Variants in ZDHHC9 observed in about 807,000 individuals in gnomAD.
The protein encoded by ZDHHC9 is palmitoyltransferase ZDHHC9.
A neutral mutation model predicts 26.6 loss-of-function variants in ZDHHC9; 3 were observed. The ratio of observed to expected loss-of-function variants is 0.11; its 90% CI spans 0.05 to 0.29. ZDHHC9 has a LOEUF of 0.29. Ranked by LOEUF, ZDHHC9 falls within the 10% of genes least tolerant of loss-of-function variation. The probability of loss-of-function intolerance (pLI) is 1.00; values close to 1 mark genes in which losing one functional copy is unlikely to be tolerated. For synonymous variants in ZDHHC9, 111 were observed against 109.4 expected (o/e 1.01, Z -0.09); for missense variants, 146 against 296.4 (o/e 0.49, Z 3.73).
rs749727866 is a variant in ZDHHC9, at chrX:129,805,530, C to A, written c.*840G>T. On this transcript the variant is annotated 3_prime_UTR_variant, in exon 11 of 11. Transcript: ENST00000357166. The stretch of plus-strand genomic sequence containing the variant: ...GACTTTTATTACTGCCATTCCTGCT[C>A]CTAATGGGAGCAGGAGTCAAAAGGA... The A allele has an allele frequency of 1.8e-5, 2 of 110,823 alleles. No individual in the cohort carries two copies. Among genetic ancestry groups the A allele is most frequent in the South Asian group, 7.8e-4 (2 of 2,578 alleles). 9.1% of individuals were successfully genotyped at this position (110,823 alleles called of 1,213,427 possible).
In ZDHHC9 at chrX:129,815,588, T is replaced by G. The variant is rs139335792; in HGVS notation, c.488-793A>C. ...TAAAAAAGTACTTTGTGGTTTTGAT[T>G]TGCATTTCCTTGGTGATCAATGATG... On this transcript the variant is annotated intron_variant, in intron 5 of 10. Transcript: ENST00000357166. 4.2e-3 allele frequency among the ~76,000 whole-genome samples: 470 copies of G among 112,377 alleles called. 2 individuals are homozygous for G. The highest frequency in any genetic ancestry group is 0.015 in the African/African-American group (451 of 31,007).
In ZDHHC9 at chrX:129,804,116, C is replaced by T. The variant is rs1249805753; in HGVS notation, c.*2254G>A. 2 of 111,708 alleles carry T rather than the reference C, an allele frequency of 1.8e-5. No homozygotes were observed. The highest frequency in any genetic ancestry group is 3.8e-5 in the Non-Finnish European group (2 of 53,134). 9.2% of individuals were successfully genotyped at this position (111,708 alleles called of 1,213,427 possible). A position where few individuals can be genotyped will look rare whatever the true frequency, so the allele number is the denominator to read the frequency against. The stretch of plus-strand genomic sequence containing the variant: ...AAGCTTCTCTGTCTGACCTAAGGGT[C>T]CTCAGGAGAACACTTGAGGTAAGGT... On this transcript the variant is annotated 3_prime_UTR_variant, in exon 11 of 11. Transcript: ENST00000357166.
intron 10 of ZDHHC9, among the ~76,000 whole-genome samples, chrX:129,810,068 C>A (rs1258954410): frequency 9.3e-6 from 1 of 107,531 alleles, no homozygotes; most frequent in Non-Finnish European, 1.9e-5. Context: ...AAAGAAAGCT[C>A]AGCTGGGCAC....
intron 3 of ZDHHC9, among the ~76,000 whole-genome samples, chrX:129,837,507 T>C (rs752955688): frequency 8.0e-5 from 9 of 112,557 alleles, no homozygotes; most frequent in African/African-American, 1.6e-4. Flanking sequence ...TAGAAAAGTA[T>C]TGTTTGTATT....
chrX:129,820,310 T>C (rs915289138), intron 5 of ZDHHC9, among the ~76,000 whole-genome samples: 6 of 110,968 alleles, frequency 5.4e-5, no homozygotes, highest in African/African-American at 2.0e-4. Flanking sequence ...CTGGGGGTAT[T>C]GGCTCACACC....
intron 3 of ZDHHC9, among the ~76,000 whole-genome samples, chrX:129,829,966 A>G (rs1433230885): frequency 9.0e-6 from 1 of 111,706 alleles, no homozygotes; most frequent in East Asian, 2.8e-4. Flanking sequence ...TAAGCTCTTC[A>G]TCTACATTAT....
chrX:129,832,524 C>T (rs1928165194), intron 3 of ZDHHC9, among the ~76,000 whole-genome samples: 2 of 111,431 alleles, frequency 1.8e-5, no homozygotes, highest in South Asian at 7.4e-4. Flanking sequence ...TGGCTCACGC[C>T]TGTAATCCCA....
chrX:129,811,320 C>A, intron 9 of ZDHHC9, 86 bp downstream of exon 9: 5 of 873,224 alleles, frequency 5.7e-6, no homozygotes, highest in Non-Finnish European at 8.3e-6. Flanking sequence ...AGAGGCCACA[C>A]TCAGAAAAAC....
intron 4 of ZDHHC9, 35 bp downstream of exon 4, chrX:129,828,946 T>C: frequency 8.3e-7 from 1 of 1,210,870 alleles, no homozygotes; most frequent in South Asian, 1.8e-5. Flanking sequence ...GGCCACCCAC[T>C]ACACAGCAGC....
At position 129,842,077 on chromosome X, in the gene ZDHHC9, A is replaced by C; in HGVS notation, c.-132T>G. ...AAACATCATCAAAAGTCCAATTGCT[A>C]GCCCTAAGAAAAAGCAGAAAAAGAA... is the stretch of plus-strand genomic sequence containing the variant. On this transcript the variant is annotated 5_prime_UTR_variant, in exon 3 of 11. Transcript: ENST00000357166. 1 of 810,079 alleles carries C rather than the reference A, an allele frequency of 1.2e-6. No homozygotes were observed. Among genetic ancestry groups the C allele is most frequent in the Non-Finnish European group, 1.8e-6 (1 of 550,920 alleles). The allele number at this position is 810,079 out of a possible 1,213,427, so 66.8% of individuals were successfully genotyped here. A position where few individuals can be genotyped will look rare whatever the true frequency, so the allele number is the denominator to read the frequency against.
At chrX:129,818,254 G>A (rs895132185) in intron 5 of ZDHHC9, among the ~76,000 whole-genome samples, 7 of 111,761 alleles carry the variant, frequency 6.3e-5, no homozygotes, top group East Asian at 2.8e-4. Context: ...ATCCCTTCTC[G>A]CACCTCTATC....
At position 129,841,886 on chromosome X, in the gene ZDHHC9, C is replaced by A; in HGVS notation, c.60G>T (p.Arg20Ser). Reference sequence around the variant, plus strand: ...CGCGGCCATCACAGCAAAAGGTGTTCCTGCCTGGGAGTTTCTCCCATTTCC... The same window carrying A: ...CGCGGCCATCACAGCAAAAGGTGTTACTGCCTGGGAGTTTCTCCCATTTCC... ...VTRKWEKLPG[R>S]NTFCCDGRVM... is the part of the protein sequence containing the mutation. The change falls in exon 3 of 11, where the codon AGG becomes AGT. Residue 20 changes from arginine (R) to serine (S), a missense_variant. Around this residue, in one of 2 missense-constraint regions of ZDHHC9, gnomAD observed 100 missense variants for 250.0 expected, o/e 0.40. Transcript: ENST00000357166. 1 of 1,211,732 alleles carries A rather than the reference C, an allele frequency of 8.3e-7. No homozygotes were observed. The highest frequency in any genetic ancestry group is 1.1e-6 in the Non-Finnish European group (1 of 895,506).
chrX:129,823,967 C>T (rs1927952212), intron 4 of ZDHHC9, 130 bp from the exon 5 acceptor site: 4 of 563,747 alleles, frequency 7.1e-6, no homozygotes, highest in African/African-American at 2.2e-5. Flanking sequence ...AGACTAGACA[C>T]TCAACATCAC....
intron 5 of ZDHHC9, among the ~76,000 whole-genome samples, chrX:129,820,766 T>C (rs1283358135): frequency 8.9e-6 from 1 of 111,992 alleles, no homozygotes; most frequent in Non-Finnish European, 1.9e-5. Flanking sequence ...CTACCTCACA[T>C]CAGACCTTTT....
At chrX:129,822,549 T>C (rs57670244) in intron 5 of ZDHHC9, among the ~76,000 whole-genome samples, 4,178 of 110,658 alleles carry the variant, frequency 0.038, 207 homozygotes, top group African/African-American at 0.13. Flanking sequence ...CAAACCACCA[T>C]GGCACATGTA....
Position 129,832,531 on chromosome X carries a change from C to A in ZDHHC9, c.168-3390G>T, listed in dbSNP as rs186666764. 4.5e-5 allele frequency among the ~76,000 whole-genome samples: 5 copies of A among 111,263 alleles called. No individual in the cohort carries two copies. In the Admixed American group the frequency reaches 4.8e-4, roughly 11 times the overall value. On this transcript the variant is annotated intron_variant, in intron 3 of 10. Coordinates refer to ENST00000357166, the MANE Select transcript of ZDHHC9 (RefSeq NM_016032.4). ...GGGTGCAGTGGCTCACGCCTGTAAT[C>A]CCAGCACTTTGGGAGGCTGAGGTGG...
chrX:129,808,794 G>A (rs1927574033), intron 10 of ZDHHC9, among the ~76,000 whole-genome samples: 1 of 111,989 alleles, frequency 8.9e-6, no homozygotes, highest in Non-Finnish European at 1.9e-5. Flanking sequence ...TGGAATAGGA[G>A]AAAATATTTG....
chrX:129,835,470 A>G (rs1860550819), intron 3 of ZDHHC9, among the ~76,000 whole-genome samples: 1 of 108,315 alleles, frequency 9.2e-6, no homozygotes, highest in African/African-American at 3.4e-5. Flanking sequence ...AAAAGAGGAA[A>G]AAAAAGAATT....
intron 10 of ZDHHC9, among the ~76,000 whole-genome samples, chrX:129,807,469 A>G (rs1230301789): frequency 9.1e-6 from 1 of 109,567 alleles, no homozygotes; most frequent in East Asian, 2.8e-4. Context: ...AAAAAAAAAA[A>G]AAAAAAGTAT....
Sources: gnomAD v4.1 joint callset for allele counts (sites outside exome capture counted in the v4.1 genomes callset) on GRCh38, gnomAD v4.1.1 for gene constraint, gnomAD v4.1.1 regional missense constraint, MANE v1.5 for transcripts, NCBI Gene and HGNC (gene_info 2026-07-23, HGNC 2026-07-21) for gene names.